Variants in RERE observed in about 807,000 individuals in gnomAD.
The protein encoded by RERE is arginine-glutamic acid dipeptide repeats protein.
A neutral mutation model predicts 146.1 loss-of-function variants in RERE; 40 were observed. The observed-to-expected ratio is 0.27, with a 90% CI of 0.21 to 0.36. The LOEUF (loss-of-function observed/expected upper bound fraction) is 0.36, where lower values mean the gene tolerates loss of function less well. Among genes scored for constraint, RERE ranks in the 10% least tolerant of loss-of-function variants. The pLI is 1.00. For missense variants in RERE, 1,933 were observed against 2,138.7 expected, an observed-to-expected ratio of 0.90 and a Z score of 1.90; for synonymous variants, 1,003 against 866.0, an observed-to-expected ratio of 1.16 and a Z score of -2.78.
chr1:8,568,295 T>A (rs1445114462), intron 4 of RERE, among the ~76,000 whole-genome samples: 1 of 152,108 alleles, frequency 6.6e-6, no homozygotes, highest in Non-Finnish European at 1.5e-5. Flanking sequence ...TCAGACAGAG[T>A]TGTACTATAG....
At chr1:8,686,527 A>C (rs1639089449) in intron 1 of RERE, among the ~76,000 whole-genome samples, 1 of 152,166 alleles carries the variant, frequency 6.6e-6, no homozygotes, top group South Asian at 2.1e-4. Context: ...AGGCGGGTGG[A>C]TCACCTGAGG....
intron 12 of RERE, among the ~76,000 whole-genome samples, chr1:8,386,283 T>C (rs963792341): frequency 3.3e-5 from 5 of 151,410 alleles, no homozygotes; most frequent in African/African-American, 1.2e-4. Context: ...TGCTCCTATA[T>C]AAATCATAAG....
intron 5 of RERE, 65 bp from the exon 6 acceptor site, chr1:8,556,636 T>C: frequency 1.9e-6 from 2 of 1,061,224 alleles, no homozygotes; most frequent in Non-Finnish European, 2.9e-6. Context: ...AAAAAATTTG[T>C]AAAACTTTTC....
chr1:8,631,641 TCTC>T (rs1647036585), intron 2 of RERE, among the ~76,000 whole-genome samples: 1 of 152,184 alleles, frequency 6.6e-6, no homozygotes, highest in Admixed American at 6.6e-5. Context: ...AGCACTCTCA[TCTC>T]CTTATTTTAC....
intron 6 of RERE, among the ~76,000 whole-genome samples, chr1:8,545,685 CTTT>C (rs1165619190): frequency 3.0e-5 from 4 of 135,404 alleles, no homozygotes; most frequent in Admixed American, 7.6e-5. Flanking sequence ...ATAAAAAATT[CTTT>C]TTTTTTTTTT....
intron 11 of RERE, among the ~76,000 whole-genome samples, chr1:8,437,360 G>C (rs1570237032): frequency 6.6e-6 from 1 of 152,224 alleles, no homozygotes; most frequent in South Asian, 2.1e-4. Flanking sequence ...CCAGGGTGGG[G>C]GTGGAGGAAG....
chr1:8,538,195 T>G (rs77402305), intron 7 of RERE, among the ~76,000 whole-genome samples: 1 of 152,150 alleles, frequency 6.6e-6, no homozygotes, highest in African/African-American at 2.4e-5. Flanking sequence ...CAGAAGAACT[T>G]TGACATTTCC....
intron 12 of RERE, 52 bp downstream of exon 12, chr1:8,422,675 A>G: frequency 7.7e-7 from 1 of 1,296,714 alleles, no homozygotes; most frequent in Non-Finnish European, 1.1e-6. Context: ...GTGGAGAGGC[A>G]GCAGGAGCAA....
chr1:8,661,664 T>TGA (rs1418269928), intron 1 of RERE, among the ~76,000 whole-genome samples: 1 of 151,098 alleles, frequency 6.6e-6, no homozygotes, highest in Non-Finnish European at 1.5e-5. Flanking sequence ...ACTTGAGAGG[T>TGA]GAGAGAGAGA....
intron 12 of RERE, among the ~76,000 whole-genome samples, chr1:8,379,950 C>A (rs549049061): frequency 6.6e-6 from 1 of 152,340 alleles, no homozygotes; most frequent in East Asian, 1.9e-4. Context: ...CACAGCACAC[C>A]TTAGCCTGCA....
At chr1:8,715,612 A>G (rs1298457352) in intron 1 of RERE, among the ~76,000 whole-genome samples, 2 of 151,972 alleles carry the variant, frequency 1.3e-5, no homozygotes, top group Non-Finnish European at 2.9e-5. Context: ...GAAGATATAT[A>G]AAAGGTGACG....
intron 4 of RERE, among the ~76,000 whole-genome samples, chr1:8,588,443 C>T (rs956526174): frequency 3.3e-5 from 5 of 152,242 alleles, no homozygotes; most frequent in Admixed American, 3.3e-4. Flanking sequence ...GTCGTCGCCT[C>T]GTCCAGTCTC....
At chr1:8,593,085 T>C (rs1646514135) in intron 4 of RERE, among the ~76,000 whole-genome samples, 1 of 152,144 alleles carries the variant, frequency 6.6e-6, no homozygotes, top group Non-Finnish European at 1.5e-5. Flanking sequence ...GTGCGACTGG[T>C]TTCAGACATG....
At chr1:8,645,347 G>A (rs1431236813) in intron 2 of RERE, among the ~76,000 whole-genome samples, 1 of 152,114 alleles carries the variant, frequency 6.6e-6, no homozygotes, top group African/African-American at 2.4e-5. Flanking sequence ...AAAATCTCAA[G>A]CCATGAAATC....
At chr1:8,770,195 AAC>A in intron 1 of RERE, among the ~76,000 whole-genome samples, 1 of 152,322 alleles carries the variant, frequency 6.6e-6, no homozygotes, top group East Asian at 1.9e-4. Flanking sequence ...AATACCACTG[AAC>A]ACAGTGTTTT....
chr1:8,553,887 A>G (rs1645971091), intron 6 of RERE, among the ~76,000 whole-genome samples: 1 of 152,154 alleles, frequency 6.6e-6, no homozygotes, highest in Non-Finnish European at 1.5e-5. Context: ...AATGCTAAAG[A>G]TAAAAATGGG....
chr1:8,417,876 G>C (rs1314943916), intron 12 of RERE, among the ~76,000 whole-genome samples: 4 of 152,092 alleles, frequency 2.6e-5, no homozygotes, highest in Non-Finnish European at 1.5e-5. Flanking sequence ...TCCTGTCTCC[G>C]TGCCTTTGTT....
Position 8,362,852 on chromosome 1 carries a change from C to T in RERE, c.1741-8G>A, listed in dbSNP as rs779769398. The T allele has an allele frequency of 5.0e-6, 8 of 1,605,824 alleles. No individual in the cohort carries two copies. In the Admixed American group the frequency reaches 1.3e-4, roughly 27 times the overall value. On this transcript the variant is annotated splice_polypyrimidine_tract_variant and splice_region_variant and intron_variant, in intron 15 of 22. Transcript: ENST00000400908. ...ACTGCGTAGTGTCGACATCTGCCCA[C>T]CCAAACCGAAGACTGGTGACACCAG...
chr1:8,599,983 G>T (rs1021398031), intron 4 of RERE, among the ~76,000 whole-genome samples: 1 of 152,180 alleles, frequency 6.6e-6, no homozygotes, highest in African/African-American at 2.4e-5. Context: ...ATCTGACTTT[G>T]AACTGTAATA....
Sources: allele counts gnomAD v4.1 joint callset (sites outside exome capture counted in the v4.1 genomes callset), GRCh38; gene constraint gnomAD v4.1.1; transcripts MANE v1.5; gene names NCBI Gene and HGNC (gene_info 2026-07-23, HGNC 2026-07-21).